Variants in HAT1 observed in about 807,000 individuals in gnomAD.
The protein encoded by HAT1 is histone acetyltransferase 1, also known as histone acetyltransferase type B catalytic subunit.
Under a neutral mutation model 56.6 loss-of-function variants are expected in HAT1, and 20 were observed. The observed-to-expected ratio is 0.35, with a 90% CI of 0.25 to 0.51. The LOEUF (loss-of-function observed/expected upper bound fraction) is 0.51, where lower values mean the gene tolerates loss of function less well. HAT1 is among the 20% of genes least tolerant of loss of function. HAT1 has a pLI of 0.95. For synonymous variants in HAT1, 146 were observed against 165.5 expected, an observed-to-expected ratio of 0.88 and a Z score of 0.91; for missense variants, 408 against 504.3, an observed-to-expected ratio of 0.81 and a Z score of 1.83.
chr2:171,926,152 C>CT (rs1686586269), intron 2 of HAT1, among the ~76,000 whole-genome samples: 2 of 151,848 alleles, frequency 1.3e-5, no homozygotes, highest in African/African-American at 4.8e-5. Context: ...AGGTCTCACT[C>CT]TATCACCCAG....
rs369406305 is a variant in HAT1, at chr2:171,979,334, A to G, written c.1063A>G (p.Ile355Val). The G allele has an allele frequency of 9.4e-6, 15 of 1,588,364 alleles. No homozygotes were observed. The African/African-American group carries it at 1.5e-4, about 16-fold the overall frequency. Reference protein sequence around the residue: ...AEQYRSYRLDIKRRLISPYKK... With the variant: ...AEQYRSYRLDVKRRLISPYKK... ...ACAATACAGAAGCTACAGACTGGAT[A>G]TTAAAAGAAGACTAATTAGCCCATA... Residue 355 changes from isoleucine (I) to valine (V), a missense_variant, in exon 10 of 11, where the codon ATT becomes GTT. Ile to Val is a conservative substitution (Grantham distance 29). Coordinates refer to ENST00000264108, the MANE Select transcript of HAT1 (RefSeq NM_003642.4).
At chr2:171,974,184 AAAAAAAAAGAAAAAAAG>A (rs1336247738) in intron 8 of HAT1, among the ~76,000 whole-genome samples, 1 of 100,182 alleles carries the variant, frequency 1.0e-5, no homozygotes, top group African/African-American at 3.4e-5. Context: ...AAAAAAAAAA[AAAAAAAAAGAAAAAAAG>A]AAAAAGAAAA....
At position 171,983,618 on chromosome 2, in the gene HAT1, T is replaced by C; in HGVS notation, c.*266T>C. The C allele has an allele frequency of 3.8e-6, 1 of 261,442 alleles. No individual in the cohort carries two copies. The highest frequency in any genetic ancestry group is 5.1e-5 in the Admixed American group (1 of 19,438). 16.2% of individuals were successfully genotyped at this position (261,442 alleles called of 1,614,324 possible). A position where few individuals can be genotyped will look rare whatever the true frequency, so the allele number is the denominator to read the frequency against. On this transcript the variant is annotated 3_prime_UTR_variant, in exon 11 of 11. Transcript: ENST00000264108. ...CTTAAACAGTATAATAAATGCTTAG[T>C]TGTGATATGTTAATGTGTGATGATA...
intron 4 of HAT1, among the ~76,000 whole-genome samples, chr2:171,964,267 A>G (rs1296298361): frequency 1.3e-5 from 2 of 152,216 alleles, no homozygotes; most frequent in African/African-American, 2.4e-5. Context: ...AATACCCATC[A>G]TGCATGTAAA....
At chr2:171,940,364 C>T (rs1487164872) in intron 2 of HAT1, among the ~76,000 whole-genome samples, 1 of 152,196 alleles carries the variant, frequency 6.6e-6, no homozygotes, top group African/African-American at 2.4e-5. Flanking sequence ...TCAACCCTCT[C>T]TAACAATTGT....
intron 3 of HAT1, among the ~76,000 whole-genome samples, chr2:171,948,140 A>T (rs893856288): frequency 5.9e-5 from 9 of 152,200 alleles, no homozygotes; most frequent in African/African-American, 1.7e-4. Context: ...TAGGTTGCAG[A>T]TCTATCCTGA....
At chr2:171,938,574 C>T (rs1370519620) in intron 2 of HAT1, among the ~76,000 whole-genome samples, 1 of 152,068 alleles carries the variant, frequency 6.6e-6, no homozygotes, top group Middle Eastern at 3.2e-3. Flanking sequence ...TTGCTTATGT[C>T]CAGTCTACTC....
intron 4 of HAT1, among the ~76,000 whole-genome samples, chr2:171,960,177 C>T (rs1213102940): frequency 6.6e-6 from 1 of 152,116 alleles, no homozygotes. Context: ...GTGCAGAGAA[C>T]ACACTGTATA....
At chr2:171,978,163 C>G (rs568627143) in intron 9 of HAT1, among the ~76,000 whole-genome samples, 29 of 151,190 alleles carry the variant, frequency 1.9e-4, no homozygotes, top group Non-Finnish European at 3.2e-4. Context: ...CTCCTGGGCT[C>G]AAATGACTCT....
intron 2 of HAT1, among the ~76,000 whole-genome samples, chr2:171,939,384 T>G (rs888670820): frequency 6.6e-6 from 1 of 152,204 alleles, no homozygotes; most frequent in African/African-American, 2.4e-5. Flanking sequence ...TGAACACAAT[T>G]GTTGTTCTCC....
intron 4 of HAT1, among the ~76,000 whole-genome samples, chr2:171,959,791 A>T (rs1687532679): frequency 6.6e-6 from 1 of 152,230 alleles, no homozygotes; most frequent in African/African-American, 2.4e-5. Context: ...GTCAGTAAAC[A>T]AAATAGTAAA....
intron 4 of HAT1, among the ~76,000 whole-genome samples, chr2:171,954,027 C>A (rs1038309710): frequency 2.0e-5 from 3 of 152,116 alleles, no homozygotes; most frequent in Non-Finnish European, 4.4e-5. Flanking sequence ...AAATCATATA[C>A]TCAGTCTTTA....
At chr2:171,954,751 T>C (rs998463110) in intron 4 of HAT1, among the ~76,000 whole-genome samples, 4 of 152,200 alleles carry the variant, frequency 2.6e-5, no homozygotes, top group African/African-American at 9.6e-5. Flanking sequence ...CCAAAAGATA[T>C]CCATGTCCTA....
chr2:171,946,890 G>C (rs187369328), intron 3 of HAT1, 107 bp downstream of exon 3: 10 of 611,802 alleles, frequency 1.6e-5, no homozygotes, highest in Non-Finnish European at 2.6e-5. Context: ...TATTTTTAAT[G>C]TGGTTTATCT....
chr2:171,968,039 A>C (rs1358773159), intron 8 of HAT1, among the ~76,000 whole-genome samples: 1 of 152,110 alleles, frequency 6.6e-6, no homozygotes, highest in South Asian at 2.1e-4. Context: ...ATTGATCTGT[A>C]GAATAATAAA....
chr2:171,960,033 T>G (rs934625775), intron 4 of HAT1, among the ~76,000 whole-genome samples: 17 of 152,142 alleles, frequency 1.1e-4, no homozygotes, highest in African/African-American at 4.1e-4. Context: ...AGCTAGATCA[T>G]CATATAGGAT....
intron 5 of HAT1, 52 bp from the exon 6 acceptor site, chr2:171,965,735 T>C: frequency 6.3e-7 from 1 of 1,577,286 alleles, no homozygotes. Context: ...CTGCGGACTT[T>C]CACTTACCTT....
At chr2:171,944,052 G>A (rs761335500) in intron 2 of HAT1, among the ~76,000 whole-genome samples, 1 of 151,858 alleles carries the variant, frequency 6.6e-6, no homozygotes. Flanking sequence ...AGGCTGAGGC[G>A]GGAAGATCTT....
intron 7 of HAT1, 65 bp downstream of exon 7, chr2:171,966,578 A>C: frequency 1.2e-6 from 1 of 803,738 alleles, no homozygotes; most frequent in Non-Finnish European, 2.2e-6. Flanking sequence ...GAAGTTTCCA[A>C]TACTTGTTAT....
Sources: allele counts gnomAD v4.1 joint callset (sites outside exome capture counted in the v4.1 genomes callset), GRCh38; gene constraint gnomAD v4.1.1; transcripts MANE v1.5; gene names NCBI Gene and HGNC (gene_info 2026-07-23, HGNC 2026-07-21).